The following OXCT1 variants were observed in gnomAD, a reference collection of about 807,000 sequenced individuals.
OXCT1 encodes 3-oxoacid CoA-transferase 1.
In OXCT1, 27 loss-of-function variants were observed where a neutral mutation model predicts 69.6. The ratio of observed to expected loss-of-function variants is 0.39; its 90% confidence interval spans 0.29 to 0.54. The LOEUF (loss-of-function observed/expected upper bound fraction) is 0.54. OXCT1 is among the 20% of genes least tolerant of loss of function. OXCT1 has a pLI of 0.72. For synonymous variants in OXCT1, 202 were observed against 217.8 expected (o/e 0.93, Z 0.64); for missense variants, 437 against 650.2 (o/e 0.67, Z 3.57).
At position 41,801,046 on chromosome 5, in the gene OXCT1, C is replaced by T; in HGVS notation, c.1075G>A (p.Ala359Thr). Residue 359 changes from alanine (A) to threonine (T), a missense_variant, in exon 11 of 17, where the codon GCT (alanine) becomes ACT (threonine). Physicochemically the swap from Ala to Thr is moderately conservative, Grantham distance 58. This residue lies in a region of OXCT1 where 252 missense variants were observed against 397.4 expected (regional missense o/e 0.63). Transcript: ENST00000196371. ...GLGPYPRQHE[A>T]DADLINAGKE... Reference sequence around the variant, plus strand: ...CCTGCATTGATGAGATCTGCATCAGCTTCATGTTGTCGTGGATATGGACCC... The same window carrying T: ...CCTGCATTGATGAGATCTGCATCAGTTTCATGTTGTCGTGGATATGGACCC... 6.2e-7 allele frequency: 1 copy of T among 1,612,790 alleles called. No individual in the cohort carries two copies. Among genetic ancestry groups the T allele is most frequent in the South Asian group, 1.1e-5 (1 of 91,048 alleles).
At chr5:41,818,233 T>A (rs532328954) in intron 7 of OXCT1, among the ~76,000 whole-genome samples, 1 of 151,678 alleles carries the variant, frequency 6.6e-6, no homozygotes, top group Non-Finnish European at 1.5e-5. Context: ...ATAAGTGCAA[T>A]AATAGAGGGA....
chr5:41,761,649 G>A (rs904505956), intron 14 of OXCT1, among the ~76,000 whole-genome samples: 1 of 152,002 alleles, frequency 6.6e-6, no homozygotes, highest in Non-Finnish European at 1.5e-5. Context: ...AACATCTTCT[G>A]GATACGGCAC....
intron 14 of OXCT1, among the ~76,000 whole-genome samples, chr5:41,753,316 C>CACACACACATAG (rs544028300): frequency 2.0e-5 from 2 of 101,314 alleles, no homozygotes; most frequent in Non-Finnish European, 4.7e-5. Flanking sequence ...CATAGACACA[C>CACACACACATAG]ACACACACAC....
chr5:41,819,877 G>A (rs962263390), intron 7 of OXCT1, among the ~76,000 whole-genome samples: 6 of 151,968 alleles, frequency 3.9e-5, no homozygotes, highest in African/African-American at 1.2e-4. Flanking sequence ...ATTTACTTCC[G>A]TAACTGGTTA....
intron 13 of OXCT1, among the ~76,000 whole-genome samples, chr5:41,766,942 T>C (rs916584547): frequency 3.9e-5 from 6 of 152,164 alleles, no homozygotes; most frequent in Admixed American, 1.3e-4. Context: ...TAAAACTAGC[T>C]CTTACTGCTC....
chr5:41,802,460 C>T (rs894644196), intron 10 of OXCT1, among the ~76,000 whole-genome samples: 4 of 151,968 alleles, frequency 2.6e-5, no homozygotes. Flanking sequence ...CATCTGGATG[C>T]TTAATCTTAA....
rs200314380 is a variant in OXCT1 at position 41,752,766 on chromosome 5, C to CA, written c.1339-3160dup. Among the ~76,000 whole-genome samples, 729 of 151,650 alleles carry CA rather than the reference C, an allele frequency of 4.8e-3. 3 individuals carry two copies. Among genetic ancestry groups the CA allele is most frequent in the African/African-American group, 0.013 (550 of 41,352 alleles). On this transcript the variant is annotated intron_variant, in intron 14 of 16. Coordinates refer to ENST00000196371, the MANE Select transcript of OXCT1 (RefSeq NM_000436.4). ...TCTCAAACAAACAAACAAAAACAAACAAAAAAAACTGACTAGTCCTGAGGC... is the reference window on the plus strand; with the variant it reads ...TCTCAAACAAACAAACAAAAACAAACAAAAAAAAACTGACTAGTCCTGAGGC...
rs76995010 is a variant in OXCT1 at position 41,793,685 on chromosome 5, G to C, written c.1248+318C>G. On this transcript the variant is annotated intron_variant, in intron 13 of 16. Transcript: ENST00000196371. ...TTGTTCTTCCTAGTTTAAAATTTTA[G>C]TTATGGTAAATATTTGTATTTCTTA... 4.9e-3 allele frequency among the ~76,000 whole-genome samples: 749 copies of C among 152,294 alleles called. 8 individuals carry two copies. The highest frequency in any genetic ancestry group is 0.017 in the African/African-American group (701 of 41,566).
chr5:41,847,266 T>G (rs1185407815), intron 5 of OXCT1, among the ~76,000 whole-genome samples: 10 of 151,916 alleles, frequency 6.6e-5, no homozygotes, highest in Admixed American at 2.0e-4. Flanking sequence ...AATAACAGGA[T>G]CTGAAATTGT....
At chr5:41,781,588 C>T (rs1462919104) in intron 13 of OXCT1, among the ~76,000 whole-genome samples, 1 of 152,112 alleles carries the variant, frequency 6.6e-6, no homozygotes, top group Non-Finnish European at 1.5e-5. Context: ...ATCAGCTATT[C>T]TTCCTGATAC....
At chr5:41,743,490 C>A (rs1336560033) in intron 15 of OXCT1, among the ~76,000 whole-genome samples, 1 of 152,268 alleles carries the variant, frequency 6.6e-6, no homozygotes, top group East Asian at 1.9e-4. Context: ...TTAATTAGAT[C>A]CCATTTGTCA....
At chr5:41,751,564 A>C (rs2112057809) in intron 14 of OXCT1, among the ~76,000 whole-genome samples, 1 of 152,238 alleles carries the variant, frequency 6.6e-6, no homozygotes, top group African/African-American at 2.4e-5. Context: ...ATGCTTCTCC[A>C]TCCACCCTAC....
chr5:41,790,382 A>C (rs555936636), intron 13 of OXCT1, among the ~76,000 whole-genome samples: 1 of 152,282 alleles, frequency 6.6e-6, no homozygotes, highest in Admixed American at 6.5e-5. Context: ...CCATCATCAC[A>C]ATCAGCAGCG....
intron 1 of OXCT1, among the ~76,000 whole-genome samples, chr5:41,863,349 A>C (rs1362874568): frequency 6.6e-6 from 1 of 152,164 alleles, no homozygotes; most frequent in Non-Finnish European, 1.5e-5. Context: ...GCAATTTTCT[A>C]GTATAAAATA....
intron 9 of OXCT1, among the ~76,000 whole-genome samples, 180 bp downstream of exon 9, chr5:41,805,387 G>A (rs1746623732): frequency 6.7e-6 from 1 of 150,362 alleles, no homozygotes; most frequent in African/African-American, 2.5e-5. Flanking sequence ...TATCTGTCAT[G>A]TATCTTGACA....
At chr5:41,766,674 G>A (rs1744620188) in intron 13 of OXCT1, among the ~76,000 whole-genome samples, 2 of 151,546 alleles carry the variant, frequency 1.3e-5, no homozygotes, top group South Asian at 4.2e-4. Context: ...GCATTTGAAT[G>A]GTTCTGTGAA....
At chr5:41,815,022 C>G (rs1381171520) in intron 7 of OXCT1, among the ~76,000 whole-genome samples, 1 of 151,982 alleles carries the variant, frequency 6.6e-6, no homozygotes, top group African/African-American at 2.4e-5. Context: ...TTGTAAAACG[C>G]AGGATGTGAA....
At chr5:41,742,670 C>A (rs575504997) in intron 15 of OXCT1, among the ~76,000 whole-genome samples, 1 of 140,210 alleles carries the variant, frequency 7.1e-6, no homozygotes, top group East Asian at 2.2e-4. Context: ...GTGTGATGTT[C>A]CCCACCCTGT....
At chr5:41,869,351 G>A (rs145845723) in intron 1 of OXCT1, among the ~76,000 whole-genome samples, 1 of 152,198 alleles carries the variant, frequency 6.6e-6, no homozygotes, top group Non-Finnish European at 1.5e-5. Flanking sequence ...AGGCTCCCGC[G>A]ATTGAGACGG....
Sources: allele counts gnomAD v4.1 joint callset (sites outside exome capture counted in the v4.1 genomes callset), GRCh38; gene constraint gnomAD v4.1.1; regional missense constraint gnomAD v4.1.1; transcripts MANE v1.5; gene names NCBI Gene and HGNC (gene_info 2026-07-23, HGNC 2026-07-21).